Variants in CCL28 observed in about 807,000 individuals in gnomAD.
CCL28 encodes the protein C-C motif chemokine ligand 28, also known as C-C motif chemokine 28.
In CCL28, 4 loss-of-function variants were observed where a neutral mutation model predicts 7.1. That is an observed-to-expected ratio of 0.56 (90% CI 0.28 to 1.29). The LOEUF is 1.29. Among genes scored for constraint, CCL28 ranks in the 50% most tolerant of loss-of-function variants. The probability of loss-of-function intolerance (pLI) is 0.11; values close to 1 mark genes in which losing one functional copy is unlikely to be tolerated. For synonymous variants in CCL28, 55 were observed against 57.8 expected, an observed-to-expected ratio of 0.95 and a Z score of 0.22; for missense variants, 151 against 163.4, an observed-to-expected ratio of 0.92 and a Z score of 0.41.
chr5:43,379,374 C>T lies in CCL28; in HGVS notation c.*2486G>A, dbSNP rs1208639575. 1 of 152,044 alleles carries T rather than the reference C, an allele frequency of 6.6e-6. No individual in the cohort carries two copies. Among genetic ancestry groups the T allele is most frequent in the Non-Finnish European group, 1.5e-5 (1 of 68,020 alleles). 9.4% of individuals were successfully genotyped at this position (152,044 alleles called of 1,614,324 possible). On this transcript the variant is annotated 3_prime_UTR_variant, in exon 3 of 3. Transcript: ENST00000361115. Reference sequence around the variant, plus strand: ...TGGTTTATTAATATTTTAAGTTACTCTCATATTATATTTTATTAATTTTTT... The same window carrying T: ...TGGTTTATTAATATTTTAAGTTACTTTCATATTATATTTTATTAATTTTTT...
chr5:43,389,883 C>A (rs1169377307), intron 1 of CCL28, among the ~76,000 whole-genome samples: 1 of 152,118 alleles, frequency 6.6e-6, no homozygotes, highest in Non-Finnish European at 1.5e-5. Flanking sequence ...GGAAGTTAGG[C>A]AATGGAGAAT....
the CCL28 span, among the ~76,000 whole-genome samples, chr5:43,362,485 C>T: frequency 6.6e-6 from 1 of 151,998 alleles, no homozygotes. Context: ...ATTATTTACC[C>T]CATAGTTTTC....
At chr5:43,362,798 G>A in the CCL28 span, among the ~76,000 whole-genome samples, 1 of 152,162 alleles carries the variant, frequency 6.6e-6, no homozygotes, top group East Asian at 1.9e-4. Flanking sequence ...AGTAACTTGA[G>A]CCCATTTTGG....
At position 43,388,354 on chromosome 5, in the gene CCL28, C is replaced by G. The variant is rs1561158219; in HGVS notation, c.187G>C (p.Val63Leu). 6.2e-7 allele frequency: 1 copy of G among 1,614,116 alleles called. No homozygotes were observed. Among genetic ancestry groups the G allele is most frequent in the Admixed American group, 1.7e-5 (1 of 60,000 alleles). Reference protein sequence around the residue: ...RADGDCDLAAVILHVKRRRIC... With the variant: ...RADGDCDLAALILHVKRRRIC... ...TCCCGGCTGATGAGCACTCACATGA[C>G]AGCAGCCAAGTCACAATCCCCATCA... Residue 63 changes from valine (V) to leucine (L), a missense_variant, in exon 2 of 3, where the codon GTC becomes CTC. By Grantham distance (32) the Val-to-Leu change is conservative. Transcript: ENST00000361115.
At chr5:43,389,446 C>T (rs988915704) in intron 1 of CCL28, among the ~76,000 whole-genome samples, 5 of 152,178 alleles carry the variant, frequency 3.3e-5, no homozygotes, top group African/African-American at 1.2e-4. Context: ...ACCCATCTCA[C>T]TATACGTGAA....
At chr5:43,358,769 G>C in the CCL28 span, among the ~76,000 whole-genome samples, 1 of 152,146 alleles carries the variant, frequency 6.6e-6, no homozygotes, top group Non-Finnish European at 1.5e-5. Flanking sequence ...ACAAACCAAT[G>C]TTAATTACAA....
chr5:43,363,719 T>A, the CCL28 span, among the ~76,000 whole-genome samples: 2 of 152,202 alleles, frequency 1.3e-5, no homozygotes, highest in African/African-American at 2.4e-5. Context: ...ATCTCCAATT[T>A]CAGTAGCTCA....
chr5:43,397,516 G>A (rs1326566824), intron 1 of CCL28, among the ~76,000 whole-genome samples: 1 of 152,014 alleles, frequency 6.6e-6, no homozygotes, highest in Non-Finnish European at 1.5e-5. Flanking sequence ...AATGAGGCAC[G>A]AGCCTCAGGT....
intron 2 of CCL28, among the ~76,000 whole-genome samples, chr5:43,384,848 T>C (rs1258780519): frequency 2.0e-5 from 3 of 151,706 alleles, no homozygotes; most frequent in Admixed American, 6.6e-5. Context: ...TCAAATTTTC[T>C]CACAACAAAA....
chr5:43,373,116 G>A (rs7714027), downstream of CCL28, among the ~76,000 whole-genome samples: 75,111 of 151,844 alleles, frequency 0.49, 19,160 homozygotes, highest in Middle Eastern at 0.62. Flanking sequence ...ATTCTTATAC[G>A]TGTGTTTTGG....
At chr5:43,395,846 A>AC (rs908196430) in intron 1 of CCL28, among the ~76,000 whole-genome samples, 1 of 131,378 alleles carries the variant, frequency 7.6e-6, no homozygotes, top group African/African-American at 2.9e-5. Flanking sequence ...TTCATGCCTT[A>AC]CCCCCCGCCT....
intron 1 of CCL28, among the ~76,000 whole-genome samples, chr5:43,394,932 A>G (rs1205999613): frequency 6.6e-6 from 1 of 151,274 alleles, no homozygotes; most frequent in Non-Finnish European, 1.5e-5. Context: ...AAGATATGCT[A>G]TTTATTAAGA....
the CCL28 span, among the ~76,000 whole-genome samples, chr5:43,368,472 G>A: frequency 3.3e-5 from 5 of 152,158 alleles, no homozygotes; most frequent in African/African-American, 9.7e-5. Context: ...GAATATGAGG[G>A]GAGGTGCTAT....
chr5:43,405,171 A>G (rs968823612), intron 1 of CCL28, among the ~76,000 whole-genome samples: 2 of 152,254 alleles, frequency 1.3e-5, no homozygotes, highest in Admixed American at 6.5e-5. Flanking sequence ...AGACATCTAC[A>G]GAACTCTCCA....
chr5:43,407,011 A>T (rs546048828), intron 1 of CCL28, among the ~76,000 whole-genome samples: 16 of 152,374 alleles, frequency 1.1e-4, no homozygotes, highest in African/African-American at 3.4e-4. Context: ...GAAATGGAAG[A>T]ACATTCCATG....
At chr5:43,376,606 C>T (rs143207742), downstream of CCL28, 3 of 152,322 alleles carry the variant, frequency 2.0e-5, no homozygotes, top group Non-Finnish European at 4.4e-5. Flanking sequence ...TTCATACACC[C>T]ACTGTGCAGT....
At chr5:43,410,240 C>T (rs1237923402) in intron 1 of CCL28, among the ~76,000 whole-genome samples, 1 of 152,226 alleles carries the variant, frequency 6.6e-6, no homozygotes, top group African/African-American at 2.4e-5. Flanking sequence ...GCCAGAATCA[C>T]TTAAGTGCCT....
chr5:43,374,965 C>T (rs1739856390), downstream of CCL28, among the ~76,000 whole-genome samples: 1 of 151,986 alleles, frequency 6.6e-6, no homozygotes, highest in African/African-American at 2.4e-5. Context: ...CCCAGAAAAT[C>T]CATTTTCTAC....
the CCL28 span, among the ~76,000 whole-genome samples, chr5:43,366,771 G>C: frequency 6.6e-6 from 1 of 152,198 alleles, no homozygotes; most frequent in Non-Finnish European, 1.5e-5. Context: ...CAGGTGCTCT[G>C]TCCCAGGGAG....
Sources: allele counts gnomAD v4.1 joint callset (sites outside exome capture counted in the v4.1 genomes callset), GRCh38; gene constraint gnomAD v4.1.1; transcripts MANE v1.5; gene names NCBI Gene and HGNC (gene_info 2026-07-23, HGNC 2026-07-21).